Variants in ESAM observed in about 807,000 individuals in gnomAD.
ESAM encodes the protein endothelial cell-selective adhesion molecule.
ESAM carries 23 observed loss-of-function variants against 31.8 expected under a neutral mutation model. That is an observed-to-expected ratio of 0.72 (90% CI 0.52 to 1.03). The LOEUF (loss-of-function observed/expected upper bound fraction) is 1.03. Among genes scored for constraint, ESAM ranks in the 50% least tolerant of loss-of-function variants. The probability of loss-of-function intolerance (pLI) is 0.00; values close to 1 mark genes in which losing one functional copy is unlikely to be tolerated. For synonymous variants in ESAM, 216 were observed against 207.2 expected (o/e 1.04, Z -0.37); for missense variants, 478 against 488.9 (o/e 0.98, Z 0.21).
At chr11:124,761,208 G>A (rs1470248922) in intron 1 of ESAM, among the ~76,000 whole-genome samples, 1 of 152,188 alleles carries the variant, frequency 6.6e-6, no homozygotes, top group Non-Finnish European at 1.5e-5. Flanking sequence ...GATCCTTGAA[G>A]GGAGATGGCA....
Position 124,753,533 on chromosome 11 carries a change from A to C in ESAM, c.*113T>G. 1 of 1,133,352 alleles carries C rather than the reference A, an allele frequency of 8.8e-7. No homozygotes were observed. Among genetic ancestry groups the C allele is most frequent in the Non-Finnish European group, 1.3e-6 (1 of 798,956 alleles). The allele number at this position is 1,133,352 out of a possible 1,614,324, so 70.2% of individuals were successfully genotyped here. ...CCACAGTAAAGAGAGGTGGGGGCAG[A>C]GTACTAAGGGTCAGGAGTGTGACTC... is the stretch of plus-strand genomic sequence containing the variant. On this transcript the variant is annotated 3_prime_UTR_variant, in exon 7 of 7. Coordinates refer to ENST00000278927, the MANE Select transcript of ESAM (RefSeq NM_138961.3).
intron 1 of ESAM, among the ~76,000 whole-genome samples, chr11:124,760,613 C>G (rs1353524006): frequency 6.6e-6 from 1 of 152,362 alleles, no homozygotes; most frequent in Non-Finnish European, 1.5e-5. Flanking sequence ...GCCATTTAAC[C>G]CTCGAGTGGC....
rs570959697 is a variant in ESAM at position 124,759,273 on chromosome 11, G to A, written c.71-746C>T. 1 of 152,448 alleles carries A rather than the reference G, an allele frequency of 6.6e-6. No individual in the cohort carries two copies. The highest frequency in any genetic ancestry group is 2.4e-5 in the African/African-American group (1 of 41,590). The allele number at this position is 152,448 out of a possible 1,614,324, so 9.4% of individuals were successfully genotyped here. A position where few individuals can be genotyped will look rare whatever the true frequency, so the allele number is the denominator to read the frequency against. On this transcript the variant is annotated intron_variant, in intron 1 of 6. Coordinates refer to ENST00000278927, the MANE Select transcript of ESAM (RefSeq NM_138961.3). The surrounding 1 kb of genome is among the most constrained non-coding windows in gnomAD (Gnocchi z 6.8). ...AGCGCGAACGACGGTCTCTAGACAAGTATGAAGCCTCCCCTGAGTGTGTCC... is the reference window on the plus strand; with the variant it reads ...AGCGCGAACGACGGTCTCTAGACAAATATGAAGCCTCCCCTGAGTGTGTCC...
intron 1 of ESAM, 86 bp from the exon 2 acceptor site, chr11:124,758,613 C>T: frequency 7.1e-7 from 1 of 1,402,634 alleles, no homozygotes; most frequent in Non-Finnish European, 9.3e-7. Flanking sequence ...CACCAGAGAG[C>T]GAGGAAAGTC....
chr11:124,760,906 G>T (rs1044045007), intron 1 of ESAM, among the ~76,000 whole-genome samples: 1 of 152,206 alleles, frequency 6.6e-6, no homozygotes, highest in African/African-American at 2.4e-5. Context: ...AAGTCTGAGG[G>T]ATCCTGGAGC....
Position 124,756,606 on chromosome 11 carries a change from T to C in ESAM, c.386A>G (p.Asn129Ser). 1 of 1,614,116 alleles carries C rather than the reference T, an allele frequency of 6.2e-7. No individual in the cohort carries two copies. Among genetic ancestry groups the C allele is most frequent in the Non-Finnish European group, 8.5e-7 (1 of 1,180,018 alleles). Residue 129 changes from asparagine to serine, a missense_variant, in exon 3 of 7, where the codon AAT becomes AGT. Coordinates refer to ENST00000278927, the MANE Select transcript of ESAM (RefSeq NM_138961.3). ...KDSGPYSCSVNVQDKQGKSRG... is the reference protein window; with the variant it reads ...KDSGPYSCSVSVQDKQGKSRG... ...AGATTTGCCTTGTTTGTCTTGCACA[T>C]TCACGGAGCAGCTGTAGGGGCCAGA...
intron 2 of ESAM, 161 bp from the exon 3 acceptor site, chr11:124,756,903 C>G: frequency 1.4e-6 from 1 of 701,312 alleles, no homozygotes; most frequent in Non-Finnish European, 2.4e-6. Flanking sequence ...TGTCCCTAGC[C>G]CCCTCTCACT....
rs879547822 is a variant in ESAM at position 124,759,818 on chromosome 11, G to GCC, written c.71-1293_71-1292dup. On this transcript the variant is annotated intron_variant, in intron 1 of 6. Coordinates refer to ENST00000278927, the MANE Select transcript of ESAM (RefSeq NM_138961.3). The surrounding 1 kb of genome is among the most constrained non-coding windows in gnomAD (Gnocchi z 6.8). ...TAAGGCAGAAGACAATGAAGGGGGGGCCACTAGACCGGAGGCTCTACGGGA... is the reference window on the plus strand; with the variant it reads ...TAAGGCAGAAGACAATGAAGGGGGGGCCCCACTAGACCGGAGGCTCTACGGGA... Among the ~76,000 whole-genome samples the GCC allele has an allele frequency of 3.9e-5, 6 of 152,198 alleles. No individual in the cohort carries two copies. The highest frequency in any genetic ancestry group is 8.8e-5 in the Non-Finnish European group (6 of 68,026).
At position 124,756,221 on chromosome 11, in the gene ESAM, A is replaced by G; in HGVS notation, c.593T>C (p.Phe198Ser). 6.2e-7 allele frequency: 1 copy of G among 1,613,880 alleles called. No homozygotes were observed. Among genetic ancestry groups the G allele is most frequent in the Non-Finnish European group, 8.5e-7 (1 of 1,180,038 alleles). ...AGTGTCCTCACCTAATGCTGGTGCAAAGAAAGTCTGGAAGGATGGAAGCTG... is the reference window on the plus strand; with the variant it reads ...AGTGTCCTCACCTAATGCTGGTGCAGAGAAAGTCTGGAAGGATGGAAGCTG... ...DRQLPSFQTFFAPALDVIRGS... is the reference protein window; with the variant it reads ...DRQLPSFQTFSAPALDVIRGS... Residue 198 changes from phenylalanine to serine, a missense_variant, in exon 4 of 7, where the codon TTT becomes TCT. By Grantham distance (155) the Phe-to-Ser change is radical. Transcript: ENST00000278927.
chr11:124,755,408 A>AAT (rs1565441560), intron 4 of ESAM, among the ~76,000 whole-genome samples: 2 of 151,862 alleles, frequency 1.3e-5, no homozygotes, highest in African/African-American at 4.8e-5. Context: ...TAATAAAATA[A>AAT]AAATAAATAA....
At chr11:124,760,258 G>GT (rs969909644) in intron 1 of ESAM, among the ~76,000 whole-genome samples, 6 of 152,186 alleles carry the variant, frequency 3.9e-5, no homozygotes, top group Non-Finnish European at 5.9e-5. Context: ...CAACTGGTCC[G>GT]TTTTTTTCGG....
rs1944197733 is a variant in ESAM, at chr11:124,759,283, T to G, written c.71-756A>C. On this transcript the variant is annotated intron_variant, in intron 1 of 6. Coordinates refer to ENST00000278927, the MANE Select transcript of ESAM (RefSeq NM_138961.3). The surrounding 1 kb of genome is among the most constrained non-coding windows in gnomAD (Gnocchi z 6.8). ...ACGGTCTCTAGACAAGTATGAAGCCTCCCCTGAGTGTGTCCGGCGCTCAGG... is the reference window on the plus strand; with the variant it reads ...ACGGTCTCTAGACAAGTATGAAGCCGCCCCTGAGTGTGTCCGGCGCTCAGG... 6.6e-6 allele frequency: 1 copy of G among 152,214 alleles called. No individual in the cohort carries two copies. Among genetic ancestry groups the G allele is most frequent in the African/African-American group, 2.4e-5 (1 of 41,422 alleles). The allele number at this position is 152,214 out of a possible 1,614,324, so 9.4% of individuals were successfully genotyped here.
chr11:124,754,585 G>A lies in ESAM; in HGVS notation c.730+56C>T. ...CAGCAGACAGGCCTCCTCCCCACTT[G>A]CAACCCCTCCCCCACCATTGACCAC... On this transcript the variant is annotated intron_variant, in intron 5 of 6. Coordinates refer to ENST00000278927, the MANE Select transcript of ESAM (RefSeq NM_138961.3). The surrounding 1 kb of genome is among the most constrained non-coding windows in gnomAD (Gnocchi z 4.5). 2 of 1,573,180 alleles carry A rather than the reference G, an allele frequency of 1.3e-6. No homozygotes were observed.
chr11:124,754,251 G>C lies in ESAM; in HGVS notation c.820C>G (p.Arg274Gly), dbSNP rs202114064. The C allele has an allele frequency of 9.7e-5, 157 of 1,613,814 alleles. 1 individual carries two copies. In the Middle Eastern group the frequency reaches 7.1e-3, roughly 73 times the overall value. ...LAGLVLLYHR[R>G]GKALEEPAND... ...GCTGGCTCCTCCAGGGCCTTGCCCC[G>C]GCGGTGGTACAAGAGGACCAGCCCA... is the stretch of plus-strand genomic sequence containing the variant. The change falls in exon 6 of 7, where the codon CGG becomes GGG. Residue 274 changes from arginine (R) to glycine (G), a missense_variant. By Grantham distance (125) the Arg-to-Gly change is moderately radical. Coordinates refer to ENST00000278927, the MANE Select transcript of ESAM (RefSeq NM_138961.3). The surrounding 1 kb of genome is among the most constrained non-coding windows in gnomAD (Gnocchi z 4.5).
chr11:124,754,257 G>T lies in ESAM; in HGVS notation c.814C>A (p.His272Asn), dbSNP rs1944128355. ...GLLAGLVLLY[H>N]RRGKALEEPA... Reference sequence around the variant, plus strand: ...TCCTCCAGGGCCTTGCCCCGGCGGTGGTACAAGAGGACCAGCCCAGCCAGC... The same window carrying T: ...TCCTCCAGGGCCTTGCCCCGGCGGTTGTACAAGAGGACCAGCCCAGCCAGC... The change falls in exon 6 of 7, where the codon CAC becomes AAC. Residue 272 changes from histidine to asparagine, a missense_variant. Coordinates refer to ENST00000278927, the MANE Select transcript of ESAM (RefSeq NM_138961.3). The surrounding 1 kb of genome is among the most constrained non-coding windows in gnomAD (Gnocchi z 4.5). 1 of 1,613,994 alleles carries T rather than the reference G, an allele frequency of 6.2e-7. No individual in the cohort carries two copies. Among genetic ancestry groups the T allele is most frequent in the Non-Finnish European group, 8.5e-7 (1 of 1,179,988 alleles).
At chr11:124,760,715 G>C (rs1362284868) in intron 1 of ESAM, among the ~76,000 whole-genome samples, 4 of 152,246 alleles carry the variant, frequency 2.6e-5, no homozygotes, top group Non-Finnish European at 5.9e-5. Flanking sequence ...AGCTGGGGTA[G>C]GACAAAGGGT....
At position 124,762,245 on chromosome 11, in the gene ESAM, G is replaced by A. The variant is rs1427247236; in HGVS notation, c.-91C>T. ...AGGCTGCGCGACGGCCGGAGCGTGC[G>A]CGGGAGCCGAGCCGCTGACACCCAG... On this transcript the variant is annotated 5_prime_UTR_variant, in exon 1 of 7. Coordinates refer to ENST00000278927, the MANE Select transcript of ESAM (RefSeq NM_138961.3). The surrounding 1 kb of genome is among the most constrained non-coding windows in gnomAD (Gnocchi z 6.4). The A allele has an allele frequency of 2.8e-6, 3 of 1,056,404 alleles. No homozygotes were observed. Among genetic ancestry groups the A allele is most frequent in the Non-Finnish European group, 2.6e-6 (2 of 756,680 alleles). 65.4% of individuals were successfully genotyped at this position (1,056,404 alleles called of 1,614,324 possible).
Position 124,753,767 on chromosome 11 carries a change from T to A in ESAM, c.1052A>T (p.Asp351Val). The A allele has an allele frequency of 6.2e-7, 1 of 1,613,978 alleles. No homozygotes were observed. The highest frequency in any genetic ancestry group is 1.1e-5 in the South Asian group (1 of 91,072). Residue 351 changes from aspartate (D) to valine (V), a missense_variant, in exon 7 of 7, where the codon GAT becomes GTT. Transcript: ENST00000278927. ...ALPSPRLPTTDGAHPQPISPI... is the reference protein window; with the variant it reads ...ALPSPRLPTTVGAHPQPISPI... ...GGATATTGGTTGAGGGTGGGCCCCA[T>A]CTGTCGTGGGCAGTCTTGGTGAGGG...
chr11:124,762,280 A>G lies in ESAM; in HGVS notation c.-126T>C. 1 of 673,960 alleles carries G rather than the reference A, an allele frequency of 1.5e-6. No individual in the cohort carries two copies. 41.7% of individuals were successfully genotyped at this position (673,960 alleles called of 1,614,324 possible). A position where few individuals can be genotyped will look rare whatever the true frequency, so the allele number is the denominator to read the frequency against. ...AGCCGCTGACACCCAGGGCGGCTCCAGCCCAAGTCTGCGCGCCTGTGTGCC... is the reference window on the plus strand; with the variant it reads ...AGCCGCTGACACCCAGGGCGGCTCCGGCCCAAGTCTGCGCGCCTGTGTGCC... On this transcript the variant is annotated 5_prime_UTR_variant, in exon 1 of 7. Coordinates refer to ENST00000278927, the MANE Select transcript of ESAM (RefSeq NM_138961.3). This position sits in a 1 kb window ranked among gnomAD's most constrained non-coding sequence, Gnocchi z 6.4.
Sources: allele counts gnomAD v4.1 joint callset (sites outside exome capture counted in the v4.1 genomes callset), GRCh38; gene constraint gnomAD v4.1.1; non-coding constraint Gnocchi (gnomAD v3.1); transcripts MANE v1.5; gene names NCBI Gene and HGNC (gene_info 2026-07-23, HGNC 2026-07-21).